Variants in LZIC observed in about 807,000 individuals in gnomAD.
LZIC encodes the protein protein LZIC.
A neutral mutation model predicts 25.4 loss-of-function variants in LZIC; 28 were observed. That is an observed-to-expected ratio of 1.10 (90% confidence interval 0.82 to 1.51). The LOEUF is 1.51. Ranked by LOEUF, LZIC falls within the 40% of genes most tolerant of loss-of-function variation. LZIC has a pLI of 0.00. For synonymous variants in LZIC, 65 were observed against 70.7 expected, an observed-to-expected ratio of 0.92 and a Z score of 0.40; for missense variants, 170 against 211.1, an observed-to-expected ratio of 0.81 and a Z score of 1.21.
At chr1:9,942,926 T>G (rs540393210) in intron 1 of LZIC, 144 bp from the exon 2 acceptor site, 1 of 354,640 alleles carries the variant, frequency 2.8e-6, no homozygotes, top group Non-Finnish European at 5.6e-6. Flanking sequence ...ACCGCAGCCT[T>G]TCTGAGTTTC....
At chr1:9,935,986 G>A (rs901458002) in intron 3 of LZIC, among the ~76,000 whole-genome samples, 7 of 151,960 alleles carry the variant, frequency 4.6e-5, no homozygotes, top group African/African-American at 2.4e-5. Flanking sequence ...AAAATTAGCC[G>A]GGCATGGTGG....
Position 9,938,445 on chromosome 1 carries a change from G to A in LZIC, c.-8-1818C>T, listed in dbSNP as rs532706915. Among the ~76,000 whole-genome samples, 41 of 152,284 alleles carry A rather than the reference G, an allele frequency of 2.7e-4. No individual in the cohort carries two copies. In the East Asian group the frequency reaches 5.0e-3, roughly 19 times the overall value. On this transcript the variant is annotated intron_variant, in intron 2 of 7. Transcript: ENST00000377223. ...CAAAATGCTGGGATTATAGGTGTAA[G>A]CCCACAAGCCCAGCTGATGAACATC...
At chr1:9,942,588 C>G in intron 2 of LZIC, 36 bp downstream of exon 2, 1 of 1,090,320 alleles carries the variant, frequency 9.2e-7, no homozygotes, top group Non-Finnish European at 1.2e-6. Context: ...CTCTCAGACA[C>G]TATATCTGGA....
intron 2 of LZIC, among the ~76,000 whole-genome samples, chr1:9,937,038 T>C (rs1570645566): frequency 6.6e-6 from 1 of 151,354 alleles, no homozygotes; most frequent in Non-Finnish European, 1.5e-5. Context: ...CCGAGGTGGG[T>C]GGATCACCTG....
rs551706607 is a variant in LZIC at position 9,927,678 on chromosome 1, C to CTTTT, written c.*2717_*2720dup. On this transcript the variant is annotated 3_prime_UTR_variant, in exon 8 of 8. Transcript: ENST00000377223. The stretch of plus-strand genomic sequence containing the variant: ...AGGGTAAGGGAAGAATCTTCTTCCT[C>CTTTT]TTTTTTTTTTTTTTTTTTTTTTTGA... Among the ~76,000 whole-genome samples, 3 of 106,664 alleles carry CTTTT rather than the reference C, an allele frequency of 2.8e-5. No individual in the cohort carries two copies. The highest frequency in any genetic ancestry group is 3.8e-5 in the African/African-American group (1 of 26,354). The allele number at this position is 106,664 out of a possible 152,430, so 70.0% of individuals were successfully genotyped here.
intron 2 of LZIC, among the ~76,000 whole-genome samples, chr1:9,939,373 C>CTTTTTTTTT (rs371491173): frequency 7.5e-6 from 1 of 133,414 alleles, no homozygotes; most frequent in Non-Finnish European, 1.6e-5. Context: ...TTTTTTTTTT[C>CTTTTTTTTT]TTTTTTTTTT....
At chr1:9,923,885 C>T (rs1330906739), downstream of LZIC, among the ~76,000 whole-genome samples, 3 of 151,320 alleles carry the variant, frequency 2.0e-5, no homozygotes, top group Non-Finnish European at 4.4e-5. Context: ...CCCGAGTAGC[C>T]GGGATTACAG....
At chr1:9,934,003 G>C (rs1297052337) in intron 5 of LZIC, among the ~76,000 whole-genome samples, 2 of 152,070 alleles carry the variant, frequency 1.3e-5, no homozygotes, top group East Asian at 3.8e-4. Context: ...GAGGCGGGCA[G>C]ATCACTTGAG....
chr1:9,923,539 T>G (rs1291285047), downstream of LZIC, among the ~76,000 whole-genome samples: 1 of 146,790 alleles, frequency 6.8e-6, no homozygotes, highest in Non-Finnish European at 1.5e-5. Flanking sequence ...TTTTTTTTTT[T>G]TTTTTTAAGA....
chr1:9,930,810 C>G (rs998375760), intron 7 of LZIC, among the ~76,000 whole-genome samples: 1 of 151,820 alleles, frequency 6.6e-6, no homozygotes, highest in African/African-American at 2.4e-5. Flanking sequence ...ACTTCCACCT[C>G]CTGGGTTCAA....
downstream of LZIC, among the ~76,000 whole-genome samples, chr1:9,926,057 C>G (rs1639974838): frequency 6.6e-6 from 1 of 151,840 alleles, no homozygotes; most frequent in Non-Finnish European, 1.5e-5. Flanking sequence ...CCACGCCCAG[C>G]TAATTTTTTG....
In LZIC at chr1:9,926,449, C is replaced by G. The variant is rs1481582449; in HGVS notation, c.*3950G>C. On this transcript the variant is annotated 3_prime_UTR_variant, in exon 8 of 8. Coordinates refer to ENST00000377223, the MANE Select transcript of LZIC (RefSeq NM_032368.5). ...ATGACCATTCCATGTTTAATGTCTT[C>G]AGAGAAGATCTAAAAATCAAAGTTA... Among the ~76,000 whole-genome samples, 1 of 152,120 alleles carries G rather than the reference C, an allele frequency of 6.6e-6. No individual in the cohort carries two copies. The highest frequency in any genetic ancestry group is 2.4e-5 in the African/African-American group (1 of 41,430).
downstream of LZIC, among the ~76,000 whole-genome samples, chr1:9,923,518 C>CTTTTTTTTTTTTT (rs60858066): frequency 2.8e-3 from 206 of 74,168 alleles, 3 homozygotes; most frequent in Non-Finnish European, 4.7e-3. Flanking sequence ...CCCAATGCTT[C>CTTTTTTTTTTTTT]TTTTTTTTTT....
In LZIC at chr1:9,926,949, C is replaced by T. The variant is rs11828; in HGVS notation, c.*3450G>A. Among the ~76,000 whole-genome samples the T allele has an allele frequency of 0.6, 90,554 of 152,030 alleles. 31,608 individuals are homozygous for T. The highest frequency in any genetic ancestry group is 0.78 in the Non-Finnish European group (53,021 of 67,998). On this transcript the variant is annotated 3_prime_UTR_variant, in exon 8 of 8. Coordinates refer to ENST00000377223, the MANE Select transcript of LZIC (RefSeq NM_032368.5). Reference sequence around the variant, plus strand: ...ACCAAATTTGTGAAACAAAATATATCCTATGGTGCTTAGAATGGTTGTTAA... The same window carrying T: ...ACCAAATTTGTGAAACAAAATATATTCTATGGTGCTTAGAATGGTTGTTAA...
chr1:9,925,841 G>T (rs1453122539), downstream of LZIC, among the ~76,000 whole-genome samples: 1 of 146,708 alleles, frequency 6.8e-6, no homozygotes, highest in Non-Finnish European at 1.5e-5. Context: ...GCCCACCTTG[G>T]CCTACCAAAG....
intron 2 of LZIC, among the ~76,000 whole-genome samples, chr1:9,937,085 G>A (rs545040697): frequency 1.3e-5 from 2 of 150,964 alleles, no homozygotes; most frequent in Admixed American, 6.6e-5. Context: ...GCAACATGGG[G>A]GAAACCCCAT....
Position 9,929,242 on chromosome 1 carries a change from T to A in LZIC, c.*1157A>T, listed in dbSNP as rs1159624492. 1.1e-6 allele frequency: 1 copy of A among 900,210 alleles called. No individual in the cohort carries two copies. Among genetic ancestry groups the A allele is most frequent in the Admixed American group, 6.2e-5 (1 of 16,134 alleles). The allele number at this position is 900,210 out of a possible 1,614,324, so 55.8% of individuals were successfully genotyped here. A position where few individuals can be genotyped will look rare whatever the true frequency, so the allele number is the denominator to read the frequency against. On this transcript the variant is annotated 3_prime_UTR_variant, in exon 8 of 8. Coordinates refer to ENST00000377223, the MANE Select transcript of LZIC (RefSeq NM_032368.5). ...AGTGTAGCGGAGGTCCTCTAATCTGTCTGGTTGGCAAAGCACCTAGTAGTT... is the reference window on the plus strand; with the variant it reads ...AGTGTAGCGGAGGTCCTCTAATCTGACTGGTTGGCAAAGCACCTAGTAGTT...
chr1:9,936,645 C>A lies in LZIC; in HGVS notation c.-8-18G>T. On this transcript the variant is annotated intron_variant, in intron 2 of 7. Transcript: ENST00000377223. ...TTTAATCTCTATGTGAAACAATAAA[C>A]CCACATACCATATGAAATTAACATA... 6.8e-7 allele frequency: 1 copy of A among 1,478,938 alleles called. No individual in the cohort carries two copies. Among genetic ancestry groups the A allele is most frequent in the East Asian group, 2.3e-5 (1 of 44,290 alleles). 91.6% of individuals were successfully genotyped at this position (1,478,938 alleles called of 1,614,324 possible).
At chr1:9,936,429 C>G (rs1640460950) in intron 3 of LZIC, 90 bp downstream of exon 3, 3 of 798,604 alleles carry the variant, frequency 3.8e-6, no homozygotes, top group Non-Finnish European at 6.5e-6. Flanking sequence ...CAGGGGAATG[C>G]AGAATCATCA....
Sources: gnomAD v4.1 joint callset for allele counts (sites outside exome capture counted in the v4.1 genomes callset) on GRCh38, gnomAD v4.1.1 for gene constraint, MANE v1.5 for transcripts, NCBI Gene and HGNC (gene_info 2026-07-23, HGNC 2026-07-21) for gene names.